Variants in GSG1L observed in about 807,000 individuals in gnomAD.
GSG1L encodes GSG1 like.
In GSG1L, 24 loss-of-function variants were observed where a neutral mutation model predicts 42.1. That is an observed-to-expected ratio of 0.57 (90% CI 0.41 to 0.80). The LOEUF (loss-of-function observed/expected upper bound fraction) is 0.80. Ranked by LOEUF, GSG1L falls within the 30% of genes least tolerant of loss-of-function variation. The pLI is 0.00. For synonymous variants in GSG1L, 215 were observed against 203.5 expected, an observed-to-expected ratio of 1.06 and a Z score of -0.48; for missense variants, 445 against 472.2, an observed-to-expected ratio of 0.94 and a Z score of 0.53.
intron 5 of GSG1L, among the ~76,000 whole-genome samples, chr16:27,824,152 C>T (rs1391407834): frequency 3.9e-5 from 6 of 152,216 alleles, no homozygotes; most frequent in African/African-American, 1.4e-4. Context: ...GGAACTCACA[C>T]ACAAAAAGCC....
chr16:27,979,661 A>AAGAAAGAGAGAGAGAG (rs368394279), intron 1 of GSG1L, among the ~76,000 whole-genome samples: 19 of 67,718 alleles, frequency 2.8e-4, no homozygotes, highest in African/African-American at 1.2e-3. Context: ...GAAAGAAAGA[A>AAGAAAGAGAGAGAGAG]AGAGAGAGAG....
chr16:27,910,924 G>C (rs960214375), intron 2 of GSG1L, among the ~76,000 whole-genome samples: 1 of 152,130 alleles, frequency 6.6e-6, no homozygotes, highest in African/African-American at 2.4e-5. Context: ...GAGGCAGGAG[G>C]ATTGCTTGAG....
chr16:27,821,861 G>A (rs528455287), intron 5 of GSG1L, among the ~76,000 whole-genome samples: 13 of 152,226 alleles, frequency 8.5e-5, no homozygotes, highest in African/African-American at 2.6e-4. Context: ...CAGAGATCAC[G>A]CCACTGCACT....
chr16:27,916,126 A>G (rs1431133589), intron 2 of GSG1L, among the ~76,000 whole-genome samples: 1 of 152,134 alleles, frequency 6.6e-6, no homozygotes, highest in Non-Finnish European at 1.5e-5. Flanking sequence ...CAATGAGGAA[A>G]AAAGGCGTGC....
At chr16:27,997,534 A>G (rs1010587548) in intron 1 of GSG1L, among the ~76,000 whole-genome samples, 3 of 151,734 alleles carry the variant, frequency 2.0e-5, no homozygotes, top group African/African-American at 7.3e-5. Flanking sequence ...ATACTCCAGG[A>G]TAACCTCCCA....
chr16:27,792,849 T>C (rs1371847034), intron 6 of GSG1L, among the ~76,000 whole-genome samples: 2 of 152,218 alleles, frequency 1.3e-5, no homozygotes, highest in African/African-American at 2.4e-5. Flanking sequence ...AAACAGTTCC[T>C]GAGCATGTGC....
chr16:28,006,827 C>G (rs138465131), intron 1 of GSG1L, among the ~76,000 whole-genome samples: 42 of 152,196 alleles, frequency 2.8e-4, no homozygotes, highest in African/African-American at 7.9e-4. Context: ...ACCAGTGCAC[C>G]CTAGGGGTAG....
At chr16:27,930,542 C>T (rs2084644311) in intron 2 of GSG1L, among the ~76,000 whole-genome samples, 1 of 152,174 alleles carries the variant, frequency 6.6e-6, no homozygotes. Context: ...TTGTACAGTG[C>T]CTGGCACATA....
At chr16:28,061,719 G>T (rs2086343883) in intron 1 of GSG1L, among the ~76,000 whole-genome samples, 1 of 152,194 alleles carries the variant, frequency 6.6e-6, no homozygotes, top group African/African-American at 2.4e-5. Context: ...GCCAAGTGTG[G>T]CAGGGAGATA....
chr16:28,063,377 G>T lies in GSG1L; in HGVS notation c.48C>A (p.Asn16Lys). 1 of 1,391,378 alleles carries T rather than the reference G, an allele frequency of 7.2e-7. No individual in the cohort carries two copies. Among genetic ancestry groups the T allele is most frequent in the Non-Finnish European group, 9.4e-7 (1 of 1,064,442 alleles). 86.2% of individuals were successfully genotyped at this position (1,391,378 alleles called of 1,614,324 possible). A position where few individuals can be genotyped will look rare whatever the true frequency, so the allele number is the denominator to read the frequency against. ...TGGTGGCGAACAGCAGCGCCAGCAGGTTCAGGGCCACGGCCAGGAGCGCTC... is the reference window on the plus strand; with the variant it reads ...TGGTGGCGAACAGCAGCGCCAGCAGTTTCAGGGCCACGGCCAGGAGCGCTC... ...RGRALLAVALNLLALLFATTA... is the reference protein window; with the variant it reads ...RGRALLAVALKLLALLFATTA... The change falls in exon 1 of 7, where the codon AAC becomes AAA. Residue 16 changes from asparagine (N) to lysine (K), a missense_variant. Coordinates refer to ENST00000447459, the MANE Select transcript of GSG1L (RefSeq NM_001109763.2). The surrounding 1 kb of genome is among the most constrained non-coding windows in gnomAD (Gnocchi z 5.8).
intron 3 of GSG1L, among the ~76,000 whole-genome samples, chr16:27,851,072 T>C (rs974155024): frequency 6.6e-6 from 1 of 152,080 alleles, no homozygotes; most frequent in Non-Finnish European, 1.5e-5. Flanking sequence ...GGAAGCAAGG[T>C]CCAGAGACGG....
intron 2 of GSG1L, among the ~76,000 whole-genome samples, chr16:27,895,181 C>T (rs974558681): frequency 2.0e-5 from 3 of 152,100 alleles, no homozygotes; most frequent in Admixed American, 6.5e-5. Context: ...AATTCATTAT[C>T]AACATTTAAA....
chr16:27,911,266 G>GCTCGCTCTCT (rs568864667), intron 2 of GSG1L, among the ~76,000 whole-genome samples: 7 of 122,154 alleles, frequency 5.7e-5, no homozygotes, highest in African/African-American at 2.4e-4. Flanking sequence ...CCTCTCTCTC[G>GCTCGCTCTCT]CTCTCTCTCT....
chr16:27,858,650 C>A (rs2083608002), intron 3 of GSG1L, among the ~76,000 whole-genome samples: 2 of 152,154 alleles, frequency 1.3e-5, no homozygotes, highest in South Asian at 4.1e-4. Context: ...AAAAAACACA[C>A]CCATTTAAAA....
At chr16:27,847,471 A>G (rs1368505960) in intron 3 of GSG1L, among the ~76,000 whole-genome samples, 2 of 152,224 alleles carry the variant, frequency 1.3e-5, no homozygotes, top group Non-Finnish European at 2.9e-5. Flanking sequence ...TGTTAAGTCC[A>G]GGAGTGTTGA....
intron 1 of GSG1L, among the ~76,000 whole-genome samples, chr16:28,007,504 TTGGTTGGTTGG>T (rs766161124): frequency 2.0e-3 from 175 of 87,550 alleles, no homozygotes; most frequent in African/African-American, 6.3e-3. Context: ...GGTTGGTTGG[TTGGTTGGTTGG>T]TGGTTGGTTG....
At chr16:27,829,051 C>T in intron 4 of GSG1L, 95 bp from the exon 5 acceptor site, 1 of 1,202,260 alleles carries the variant, frequency 8.3e-7, no homozygotes, top group Middle Eastern at 2.5e-4. Flanking sequence ...CCCTGCATGG[C>T]TGCCTTTTCC....
intron 2 of GSG1L, among the ~76,000 whole-genome samples, chr16:27,904,220 C>T (rs1021489136): frequency 6.6e-6 from 1 of 151,210 alleles, no homozygotes. Flanking sequence ...CAGGCACATA[C>T]CACCATGCCT....
intron 3 of GSG1L, among the ~76,000 whole-genome samples, chr16:27,852,969 C>T (rs186255804): frequency 6.3e-4 from 96 of 152,264 alleles, no homozygotes; most frequent in Non-Finnish European, 1.0e-3. Context: ...AACCATCAGG[C>T]ACTGAAGAAC....
Sources: allele counts gnomAD v4.1 joint callset (sites outside exome capture counted in the v4.1 genomes callset), GRCh38; gene constraint gnomAD v4.1.1; non-coding constraint Gnocchi (gnomAD v3.1); transcripts MANE v1.5; gene names NCBI Gene and HGNC (gene_info 2026-07-23, HGNC 2026-07-21).